PPARGC1A: variants seen among roughly 807,000 people sequenced by gnomAD.
PPARGC1A encodes peroxisome proliferator-activated receptor gamma coactivator 1-alpha.
PPARGC1A carries 25 observed loss-of-function variants against 88.7 expected under a neutral mutation model. That is an observed-to-expected ratio of 0.28 (90% CI 0.21 to 0.39). The LOEUF (loss-of-function observed/expected upper bound fraction) is 0.39. Ranked by LOEUF, PPARGC1A falls within the 10% of genes least tolerant of loss-of-function variation. PPARGC1A has a pLI of 1.00. For synonymous variants in PPARGC1A, 363 were observed against 355.6 expected (o/e 1.02, Z -0.24); for missense variants, 880 against 968.7 (o/e 0.91, Z 1.22).
chr4:24,151,912 T>C, the PPARGC1A span, among the ~76,000 whole-genome samples: 3 of 152,214 alleles, frequency 2.0e-5, no homozygotes, highest in Non-Finnish European at 4.4e-5. Context: ...ATAATCAAAC[T>C]CAATAAAACT....
At chr4:23,934,334 TCCA>T in the PPARGC1A span, among the ~76,000 whole-genome samples, 1 of 152,200 alleles carries the variant, frequency 6.6e-6, no homozygotes, top group Admixed American at 6.5e-5. Flanking sequence ...AGGCCCAGCC[TCCA>T]CTGTGCTATG....
At chr4:24,066,737 G>A in the PPARGC1A span, among the ~76,000 whole-genome samples, 1 of 152,008 alleles carries the variant, frequency 6.6e-6, no homozygotes, top group Admixed American at 6.6e-5. Flanking sequence ...AGTCCCACTC[G>A]GGGAGTGATT....
chr4:23,954,502 A>C, the PPARGC1A span, among the ~76,000 whole-genome samples: 1 of 152,152 alleles, frequency 6.6e-6, no homozygotes, highest in Non-Finnish European at 1.5e-5. Context: ...CTCACATTTA[A>C]AAGTTTAATG....
the PPARGC1A span, among the ~76,000 whole-genome samples, chr4:24,392,696 T>C: frequency 6.6e-6 from 1 of 152,158 alleles, no homozygotes; most frequent in African/African-American, 2.4e-5. Flanking sequence ...CAGATCTTTT[T>C]GTCCTTTCTC....
the PPARGC1A span, among the ~76,000 whole-genome samples, chr4:23,935,301 C>T: frequency 1.3e-5 from 2 of 152,314 alleles, no homozygotes; most frequent in South Asian, 4.1e-4. Flanking sequence ...CACACAATTT[C>T]AGGAAACCTC....
At chr4:24,031,318 C>T in the PPARGC1A span, among the ~76,000 whole-genome samples, 45 of 152,178 alleles carry the variant, frequency 3.0e-4, no homozygotes, top group Non-Finnish European at 5.9e-5. Flanking sequence ...TTGCTTTATG[C>T]TCTCTGCTCT....
chr4:24,210,638 C>T, the PPARGC1A span, among the ~76,000 whole-genome samples: 6 of 152,320 alleles, frequency 3.9e-5, no homozygotes, highest in South Asian at 8.3e-4. Flanking sequence ...ACTGTGCTGA[C>T]GTCAAATTGC....
the PPARGC1A span, among the ~76,000 whole-genome samples, chr4:24,131,281 A>C: frequency 6.6e-6 from 1 of 152,220 alleles, no homozygotes; most frequent in African/African-American, 2.4e-5. Flanking sequence ...CTCAAAACAC[A>C]ATCTGCTGGT....
At chr4:23,943,269 C>T in the PPARGC1A span, among the ~76,000 whole-genome samples, 1 of 152,144 alleles carries the variant, frequency 6.6e-6, no homozygotes, top group African/African-American at 2.4e-5. Context: ...TGAATCTTTA[C>T]TTATTCAAAA....
chr4:24,117,035 A>G, the PPARGC1A span, among the ~76,000 whole-genome samples: 16 of 150,676 alleles, frequency 1.1e-4, no homozygotes, highest in Admixed American at 6.6e-4. Context: ...AAGCATGCAC[A>G]GTGAAGTTGG....
intron 10 of PPARGC1A, among the ~76,000 whole-genome samples, chr4:23,806,549 C>A (rs984834332): frequency 2.0e-5 from 3 of 152,162 alleles, no homozygotes; most frequent in Admixed American, 2.0e-4. Flanking sequence ...ATTTTCGGAC[C>A]AGTTTTCACT....
chr4:24,210,823 G>A, the PPARGC1A span, among the ~76,000 whole-genome samples: 1 of 152,296 alleles, frequency 6.6e-6, no homozygotes, highest in African/African-American at 2.4e-5. Flanking sequence ...GAGCTGCGGC[G>A]CCTTCAACGG....
At chr4:24,265,580 C>CG in the PPARGC1A span, among the ~76,000 whole-genome samples, 19 of 151,702 alleles carry the variant, frequency 1.3e-4, no homozygotes, top group African/African-American at 1.7e-4. Flanking sequence ...AAATCGATGC[C>CG]GGGGGGCAGA....
At chr4:24,326,990 C>T in the PPARGC1A span, among the ~76,000 whole-genome samples, 3 of 152,204 alleles carry the variant, frequency 2.0e-5, no homozygotes, top group Non-Finnish European at 4.4e-5. Flanking sequence ...TGATAACAGA[C>T]CAACCTTTAT....
the PPARGC1A span, among the ~76,000 whole-genome samples, chr4:23,971,770 G>A: frequency 6.6e-6 from 1 of 152,076 alleles, no homozygotes; most frequent in Non-Finnish European, 1.5e-5. Flanking sequence ...ATATGCCCAG[G>A]ATCAATACTT....
chr4:23,858,053 G>A (rs767496713), intron 2 of PPARGC1A, among the ~76,000 whole-genome samples: 5 of 151,914 alleles, frequency 3.3e-5, no homozygotes, highest in East Asian at 1.9e-4. Context: ...ATGGCTTTCC[G>A]TGGAATGAAA....
the PPARGC1A span, among the ~76,000 whole-genome samples, chr4:24,006,246 A>G: frequency 6.6e-6 from 1 of 152,134 alleles, no homozygotes; most frequent in Non-Finnish European, 1.5e-5. Flanking sequence ...ACGGGGTTTC[A>G]TCATGTTGGC....
At chr4:23,889,012 G>A in intron 1 of PPARGC1A, 1 of 985,390 alleles carries the variant, frequency 1.0e-6, no homozygotes, top group Non-Finnish European at 1.2e-6. Context: ...CCATTGTGCT[G>A]AATGCAAACA....
chr4:24,066,946 A>G, the PPARGC1A span, among the ~76,000 whole-genome samples: 1 of 144,474 alleles, frequency 6.9e-6, no homozygotes, highest in Non-Finnish European at 1.5e-5. Flanking sequence ...GGTGAAGGCC[A>G]ACACACATTT....
Sources: gnomAD v4.1 joint callset for allele counts (sites outside exome capture counted in the v4.1 genomes callset) on GRCh38, gnomAD v4.1.1 for gene constraint, MANE v1.5 for transcripts, NCBI Gene and HGNC (gene_info 2026-07-23, HGNC 2026-07-21) for gene names.